The following CTNND2 variants were observed in gnomAD, a reference collection of about 807,000 sequenced individuals.
CTNND2 encodes catenin delta 2, also known as catenin delta-2.
A neutral mutation model predicts 144.4 loss-of-function variants in CTNND2; 22 were observed. The observed-to-expected ratio is 0.15, with a 90% CI of 0.11 to 0.22. The LOEUF (loss-of-function observed/expected upper bound fraction) is 0.22, where lower values mean the gene tolerates loss of function less well. Ranked by LOEUF, CTNND2 falls within the 10% of genes least tolerant of loss-of-function variation. CTNND2 has a pLI of 1.00. For synonymous variants in CTNND2, 751 were observed against 695.6 expected (o/e 1.08, Z -1.25); for missense variants, 1,353 against 1,618.8 (o/e 0.84, Z 2.82).
chr5:11,142,474 C>T (rs1056735445), intron 12 of CTNND2, among the ~76,000 whole-genome samples: 2 of 152,130 alleles, frequency 1.3e-5, no homozygotes, highest in Non-Finnish European at 2.9e-5. Context: ...GTGAGAGGAA[C>T]ACACCAGGAA....
In CTNND2 at chr5:11,904,042, G is replaced by T; in HGVS notation, c.-189C>A. 1 of 446,170 alleles carries T rather than the reference G, an allele frequency of 2.2e-6. No individual in the cohort carries two copies. The highest frequency in any genetic ancestry group is 3.3e-6 in the Non-Finnish European group (1 of 298,692). 27.6% of individuals were successfully genotyped at this position (446,170 alleles called of 1,614,324 possible). On this transcript the variant is annotated 5_prime_UTR_variant, in exon 1 of 22. Transcript: ENST00000304623. This position sits in a 1 kb window ranked among gnomAD's most constrained non-coding sequence, Gnocchi z 4.2. ...CCGCGGGCGAGAGGCGGCTCCCGAC[G>T]CGAGTGCGCAGCGCCCGGCCCGGCG...
At chr5:11,694,883 G>A (rs1259653165) in intron 2 of CTNND2, among the ~76,000 whole-genome samples, 1 of 152,178 alleles carries the variant, frequency 6.6e-6, no homozygotes. Flanking sequence ...TCATTCCAAT[G>A]GAGACTAAAT....
At chr5:11,102,052 G>A (rs937845296) in intron 14 of CTNND2, among the ~76,000 whole-genome samples, 1 of 152,032 alleles carries the variant, frequency 6.6e-6, no homozygotes, top group Non-Finnish European at 1.5e-5. Context: ...TCTTGTTCCA[G>A]CTTGGGGGAA....
intron 6 of CTNND2, among the ~76,000 whole-genome samples, chr5:11,393,743 A>G (rs1374576556): frequency 6.6e-6 from 1 of 152,224 alleles, no homozygotes; most frequent in Non-Finnish European, 1.5e-5. Context: ...TCGCTCTTGC[A>G]GCAGGGCAAT....
intron 1 of CTNND2, among the ~76,000 whole-genome samples, chr5:11,771,140 G>T (rs1004544393): frequency 2.0e-5 from 3 of 149,470 alleles, no homozygotes; most frequent in African/African-American, 7.5e-5. Flanking sequence ...ACCTTTGATA[G>T]GGTCCAAATT....
At chr5:11,440,515 G>T (rs1254853679) in intron 3 of CTNND2, among the ~76,000 whole-genome samples, 4 of 152,142 alleles carry the variant, frequency 2.6e-5, no homozygotes, top group Middle Eastern at 3.2e-3. Context: ...AAATTCTTAG[G>T]TATGATTATT....
At chr5:11,551,169 T>A (rs1374611365) in intron 3 of CTNND2, among the ~76,000 whole-genome samples, 1 of 152,176 alleles carries the variant, frequency 6.6e-6, no homozygotes, top group East Asian at 1.9e-4. Flanking sequence ...AGAATGGGTA[T>A]GCTCAGTCTC....
chr5:11,264,976 T>C (rs1745294178), intron 9 of CTNND2, among the ~76,000 whole-genome samples: 2 of 152,056 alleles, frequency 1.3e-5, no homozygotes, highest in Admixed American at 6.6e-5. Flanking sequence ...AATACCTATA[T>C]TATCTTGGCA....
chr5:11,574,270 T>C (rs946133611), intron 2 of CTNND2, among the ~76,000 whole-genome samples: 2 of 152,162 alleles, frequency 1.3e-5, no homozygotes, highest in African/African-American at 4.8e-5. Flanking sequence ...TTCTGCTAAG[T>C]GCTTCACATG....
intron 3 of CTNND2, among the ~76,000 whole-genome samples, chr5:11,477,090 G>C (rs1228929760): frequency 2.0e-5 from 3 of 152,188 alleles, no homozygotes; most frequent in African/African-American, 4.8e-5. Flanking sequence ...ATGAGACTGT[G>C]TTGATTGTCT....
At chr5:11,140,813 A>T (rs1044519039) in intron 12 of CTNND2, among the ~76,000 whole-genome samples, 1 of 152,244 alleles carries the variant, frequency 6.6e-6, no homozygotes, top group African/African-American at 2.4e-5. Flanking sequence ...GTTATATTCT[A>T]GATTTATTAA....
intron 18 of CTNND2, among the ~76,000 whole-genome samples, chr5:11,012,176 C>A (rs1471549062): frequency 6.6e-6 from 1 of 151,934 alleles, no homozygotes; most frequent in African/African-American, 2.4e-5. Flanking sequence ...CCATTTGAGA[C>A]ATCAGCAATC....
At chr5:11,299,255 T>C (rs1357096619) in intron 9 of CTNND2, among the ~76,000 whole-genome samples, 4 of 152,204 alleles carry the variant, frequency 2.6e-5, no homozygotes, top group East Asian at 3.9e-4. Flanking sequence ...GATGTCCCAC[T>C]TGTGGAGGTT....
At chr5:11,636,987 AG>A (rs1286948842) in intron 2 of CTNND2, among the ~76,000 whole-genome samples, 3 of 152,188 alleles carry the variant, frequency 2.0e-5, no homozygotes, top group African/African-American at 7.2e-5. Flanking sequence ...AGGAAACCAT[AG>A]GAAAAAAAAG....
chr5:11,780,787 T>C (rs913848802), intron 1 of CTNND2, among the ~76,000 whole-genome samples: 2 of 152,100 alleles, frequency 1.3e-5, no homozygotes, highest in African/African-American at 2.4e-5. Context: ...TTGCTTAAAA[T>C]AGGTGATGCT....
chr5:11,440,594 A>G (rs16901649), intron 3 of CTNND2, among the ~76,000 whole-genome samples: 12,646 of 152,258 alleles, frequency 0.083, 1,606 homozygotes, highest in African/African-American at 0.27. Context: ...CCTTGTATTC[A>G]GAAATTGAGA....
intron 1 of CTNND2, among the ~76,000 whole-genome samples, chr5:11,814,827 A>G (rs891979508): frequency 1.3e-5 from 2 of 152,244 alleles, no homozygotes; most frequent in African/African-American, 4.8e-5. Context: ...TGGTTGTGAG[A>G]CTACAATATA....
chr5:11,121,372 GT>G (rs1211425652), intron 12 of CTNND2, among the ~76,000 whole-genome samples: 1 of 152,084 alleles, frequency 6.6e-6, no homozygotes, highest in East Asian at 1.9e-4. Flanking sequence ...TCTATGTCTG[GT>G]TAGAAATGGG....
At chr5:11,096,758 G>C (rs1033869860) in intron 15 of CTNND2, among the ~76,000 whole-genome samples, 2 of 151,980 alleles carry the variant, frequency 1.3e-5, no homozygotes, top group African/African-American at 4.8e-5. Flanking sequence ...TAAAGGAAGA[G>C]AGAAAGAAGA....
Sources: gnomAD v4.1 joint callset for allele counts (sites outside exome capture counted in the v4.1 genomes callset) on GRCh38, gnomAD v4.1.1 for gene constraint, Gnocchi (gnomAD v3.1) non-coding constraint, MANE v1.5 for transcripts, NCBI Gene and HGNC (gene_info 2026-07-23, HGNC 2026-07-21) for gene names.